The following RNF17 variants were observed in gnomAD, a reference collection of about 807,000 sequenced individuals.
RNF17 encodes the protein ring finger protein 17.
In RNF17, 31 loss-of-function variants were observed where a neutral mutation model predicts 200.5. That is an observed-to-expected ratio of 0.15 (90% CI 0.12 to 0.21). The LOEUF (loss-of-function observed/expected upper bound fraction) is 0.21. RNF17 is among the 10% of genes least tolerant of loss of function. RNF17 has a pLI of 1.00. For synonymous variants in RNF17, 606 were observed against 637.8 expected (o/e 0.95, Z 0.75); for missense variants, 1,628 against 1,905.1 (o/e 0.85, Z 2.71).
downstream of RNF17, among the ~76,000 whole-genome samples, chr13:24,881,659 TAACCTATATATATC>T (rs1451192570): frequency 3.3e-5 from 5 of 150,276 alleles, no homozygotes; most frequent in African/African-American, 1.2e-4. Flanking sequence ...TATATCTAGA[TAACCTATATATATC>T]TATCTAGATT....
chr13:24,883,410 T>A (rs746574788), downstream of RNF17: 104 of 1,418,550 alleles, frequency 7.3e-5, no homozygotes, highest in South Asian at 1.0e-4. Flanking sequence ...AAAAAAAAAA[T>A]AATAGAAAAT....
chr13:24,750,410 A>C, the RNF17 span, among the ~76,000 whole-genome samples: 2 of 152,308 alleles, frequency 1.3e-5, no homozygotes, highest in Admixed American at 1.3e-4. Context: ...CTACAGTCCA[A>C]CTTTAGAACA....
At chr13:24,771,323 C>CTTTT (rs35220494) in intron 2 of RNF17, among the ~76,000 whole-genome samples, 1,195 of 77,964 alleles carry the variant, frequency 0.015, 154 homozygotes, top group East Asian at 0.061. Flanking sequence ...CACAGATAAT[C>CTTTT]TTTTTTTTTT....
intron 15 of RNF17, among the ~76,000 whole-genome samples, chr13:24,825,304 T>G (rs927485940): frequency 6.6e-6 from 1 of 150,760 alleles, no homozygotes; most frequent in Admixed American, 6.6e-5. Context: ...AAAATGTAAG[T>G]GATTGTATGT....
At chr13:24,753,867 T>C in the RNF17 span, among the ~76,000 whole-genome samples, 1 of 152,192 alleles carries the variant, frequency 6.6e-6, no homozygotes, top group South Asian at 2.1e-4. Flanking sequence ...GATAGAAATA[T>C]GAAAACTGGC....
chr13:24,766,081 T>A (rs868049448), intron 1 of RNF17, among the ~76,000 whole-genome samples: 1 of 152,082 alleles, frequency 6.6e-6, no homozygotes, highest in Non-Finnish European at 1.5e-5. Flanking sequence ...TACAAAAAAA[T>A]TAGCTAGGCG....
At chr13:24,849,621 A>G (rs1353270910) in intron 22 of RNF17, among the ~76,000 whole-genome samples, 3 of 152,196 alleles carry the variant, frequency 2.0e-5, no homozygotes, top group African/African-American at 7.2e-5. Context: ...TCTGCATTTC[A>G]TTTATCTGTC....
chr13:24,838,066 TA>T (rs1890202488), intron 18 of RNF17, among the ~76,000 whole-genome samples: 1 of 152,138 alleles, frequency 6.6e-6, no homozygotes, highest in Non-Finnish European at 1.5e-5. Flanking sequence ...TGAACACTTC[TA>T]TGCACATAAA....
rs771705774 is a variant in RNF17 at position 24,778,295 on chromosome 13, G to A, written c.318G>A (p.Thr106=). Reference sequence around the variant, plus strand: ...AAATAATATACTTGATACTTTTCAGGATAAAGAATTGTTCTCAGGACTTTA... The same window carrying A: ...AAATAATATACTTGATACTTTTCAGAATAAAGAATTGTTCTCAGGACTTTA... ...DSIMEKLQPK[T]IKNCSQDFKK... is the part of the protein sequence containing the mutation. Residue 106 remains threonine (T), a splice_region_variant and synonymous_variant, in exon 4 of 36, where the codon ACG becomes ACA. Coordinates refer to ENST00000255324, the MANE Select transcript of RNF17 (RefSeq NM_031277.3). The A allele has an allele frequency of 4.4e-6, 7 of 1,580,938 alleles. No homozygotes were observed. Among genetic ancestry groups the A allele is most frequent in the Non-Finnish European group, 4.3e-6 (5 of 1,151,182 alleles).
At chr13:24,853,389 AG>A (rs1486422302) in intron 24 of RNF17, among the ~76,000 whole-genome samples, 2 of 152,166 alleles carry the variant, frequency 1.3e-5, no homozygotes, top group Non-Finnish European at 2.9e-5. Flanking sequence ...GAGTAAATAT[AG>A]CATATTACCA....
chr13:24,765,445 C>A (rs1275076471), intron 1 of RNF17, among the ~76,000 whole-genome samples: 5 of 152,264 alleles, frequency 3.3e-5, no homozygotes, highest in African/African-American at 1.2e-4. Context: ...TTTATACTTT[C>A]AAAGTTAAGG....
chr13:24,810,824 T>C (rs1216979885), intron 15 of RNF17, among the ~76,000 whole-genome samples: 7 of 149,482 alleles, frequency 4.7e-5, no homozygotes, highest in Admixed American at 3.3e-4. Context: ...GGAGCTCTTT[T>C]AGGGCAGGCC....
intron 29 of RNF17, among the ~76,000 whole-genome samples, 186 bp downstream of exon 29, chr13:24,865,184 A>T (rs889068457): frequency 1.3e-5 from 2 of 152,200 alleles, no homozygotes; most frequent in African/African-American, 2.4e-5. Flanking sequence ...AATGTCCTGT[A>T]AAAGACTTTA....
At chr13:24,845,241 A>T (rs1323015194) in intron 22 of RNF17, among the ~76,000 whole-genome samples, 162 bp downstream of exon 22, 1 of 152,226 alleles carries the variant, frequency 6.6e-6, no homozygotes, top group Admixed American at 6.5e-5. Flanking sequence ...ATTTAGTGGC[A>T]TTAAGAAATA....
downstream of RNF17, among the ~76,000 whole-genome samples, chr13:24,881,393 G>A (rs1010084673): frequency 1.3e-5 from 2 of 151,844 alleles, no homozygotes; most frequent in Non-Finnish European, 2.9e-5. Context: ...TGCCAACTTT[G>A]GCCTCCCAAA....
At chr13:24,825,529 C>A (rs1179653782) in intron 15 of RNF17, 90 bp from the exon 16 acceptor site, 1 of 854,750 alleles carries the variant, frequency 1.2e-6, no homozygotes, top group Non-Finnish European at 1.8e-6. Context: ...TTTAATGTTT[C>A]ATAATTTCAA....
intron 4 of RNF17, 61 bp downstream of exon 4, chr13:24,778,467 G>T: frequency 9.5e-7 from 1 of 1,051,374 alleles, no homozygotes; most frequent in Non-Finnish European, 1.5e-6. Flanking sequence ...GTCTCTAGTA[G>T]CTCAACTTTC....
downstream of RNF17, among the ~76,000 whole-genome samples, chr13:24,881,907 T>C (rs867322242): frequency 8.9e-3 from 1,098 of 123,268 alleles, 110 homozygotes; most frequent in African/African-American, 0.032. Flanking sequence ...TATATAGATA[T>C]ATAGATACAT....
intron 1 of RNF17, among the ~76,000 whole-genome samples, chr13:24,764,885 T>TGG (rs200365898): frequency 0.081 from 8,078 of 99,572 alleles, 261 homozygotes; most frequent in Non-Finnish European, 0.096. Flanking sequence ...GTGCACCTTG[T>TGG]GGGGTGTGTG....
Sources: allele counts gnomAD v4.1 joint callset (sites outside exome capture counted in the v4.1 genomes callset), GRCh38; gene constraint gnomAD v4.1.1; transcripts MANE v1.5; gene names NCBI Gene and HGNC (gene_info 2026-07-23, HGNC 2026-07-21).